Variants in PRKCH observed in about 807,000 individuals in gnomAD.
The protein encoded by PRKCH is protein kinase C eta, also known as protein kinase C eta type.
PRKCH carries 28 observed loss-of-function variants against 82.5 expected under a neutral mutation model. The ratio of observed to expected loss-of-function variants is 0.34; its 90% CI spans 0.25 to 0.47. The LOEUF (loss-of-function observed/expected upper bound fraction) is 0.47, where lower values mean the gene tolerates loss of function less well. Ranked by LOEUF, PRKCH falls within the 20% of genes least tolerant of loss-of-function variation. The pLI, the probability that PRKCH is intolerant of heterozygous loss-of-function variation, is 1.00. For synonymous variants in PRKCH, 322 were observed against 327.4 expected (o/e 0.98, Z 0.18); for missense variants, 705 against 881.8 (o/e 0.80, Z 2.54).
intron 1 of PRKCH, among the ~76,000 whole-genome samples, chr14:61,335,709 G>T (rs1158360456): frequency 6.6e-6 from 1 of 152,152 alleles, no homozygotes; most frequent in Admixed American, 6.5e-5. Context: ...AATAGTTTTA[G>T]ATAATGCCTA....
intron 1 of PRKCH, among the ~76,000 whole-genome samples, chr14:61,246,529 C>T (rs2050136666): frequency 6.6e-6 from 1 of 151,970 alleles, no homozygotes; most frequent in Non-Finnish European, 1.5e-5. Flanking sequence ...TCTGGCCTTT[C>T]TCCCTTCAAA....
intron 2 of PRKCH, among the ~76,000 whole-genome samples, chr14:61,398,794 C>A (rs1379167251): frequency 6.6e-6 from 1 of 152,140 alleles, no homozygotes. Flanking sequence ...GACTTGGTTT[C>A]TTCTACCAAA....
chr14:61,201,208 T>G (rs946883705), intron 1 of PRKCH, among the ~76,000 whole-genome samples: 1 of 152,204 alleles, frequency 6.6e-6, no homozygotes, highest in African/African-American at 2.4e-5. Context: ...TATTGACATT[T>G]TACTATGTGT....
intron 9 of PRKCH, among the ~76,000 whole-genome samples, chr14:61,479,174 T>C (rs991272059): frequency 3.3e-5 from 5 of 152,144 alleles, no homozygotes; most frequent in Admixed American, 2.6e-4. Context: ...CACCTGTCCA[T>C]CCACCCACCC....
At chr14:61,201,213 A>G (rs990046158) in intron 1 of PRKCH, among the ~76,000 whole-genome samples, 3 of 152,194 alleles carry the variant, frequency 2.0e-5, no homozygotes, top group Non-Finnish European at 2.9e-5. Context: ...ACATTTTACT[A>G]TGTGTCAGGT....
chr14:61,281,849 A>G (rs938269743), intron 1 of PRKCH: 14 of 139,486 alleles, frequency 1.0e-4, no homozygotes, highest in African/African-American at 3.0e-4. Flanking sequence ...TTCGAATTCA[A>G]CGCCTGCGTT....
chr14:61,317,938 C>T (rs986330591), upstream of PRKCH, among the ~76,000 whole-genome samples: 2 of 152,142 alleles, frequency 1.3e-5, no homozygotes, highest in East Asian at 3.9e-4. Context: ...AGTGTCACAA[C>T]CACATAGCCA....
At chr14:61,405,115 T>C (rs1276059214) in intron 2 of PRKCH, among the ~76,000 whole-genome samples, 1 of 152,222 alleles carries the variant, frequency 6.6e-6, no homozygotes, top group African/African-American at 2.4e-5. Flanking sequence ...CCATTCCAAA[T>C]TCATGATAAC....
intron 1 of PRKCH, among the ~76,000 whole-genome samples, chr14:61,367,073 A>T (rs1286957765): frequency 6.6e-6 from 1 of 152,018 alleles, no homozygotes; most frequent in Non-Finnish European, 1.5e-5. Context: ...CAATGACCCA[A>T]GGGTTATATG....
At chr14:61,366,925 C>T (rs948582655) in intron 1 of PRKCH, among the ~76,000 whole-genome samples, 7 of 152,034 alleles carry the variant, frequency 4.6e-5, no homozygotes, top group African/African-American at 1.7e-4. Flanking sequence ...GTGGCTCCTT[C>T]TGCTGGCTTC....
chr14:61,366,909 A>G (rs1179203728), intron 1 of PRKCH, among the ~76,000 whole-genome samples: 10 of 152,018 alleles, frequency 6.6e-5, no homozygotes, highest in East Asian at 3.9e-4. Flanking sequence ...CTCTCTGTCT[A>G]GGGATGTGGC....
At chr14:61,458,725 A>G (rs970412789) in intron 9 of PRKCH, among the ~76,000 whole-genome samples, 7 of 152,142 alleles carry the variant, frequency 4.6e-5, no homozygotes, top group African/African-American at 1.7e-4. Flanking sequence ...GGAAGGGTGA[A>G]GGAGAAGCAA....
In PRKCH at chr14:61,445,690, A is replaced by G; in HGVS notation, c.579-2A>G. 6.2e-7 allele frequency: 1 copy of G among 1,609,202 alleles called. No homozygotes were observed. On this transcript the variant is annotated splice_acceptor_variant, in intron 3 of 13. Transcript: ENST00000332981. LOFTEE classifies it high-confidence loss of function. ...TGATGGTAGTTTTCTTCTCTTCAAC[A>G]GGGGAGTGTTTGGGAAACAGGGTTA...
chr14:61,249,835 G>C (rs2044925756), intron 1 of PRKCH, among the ~76,000 whole-genome samples: 1 of 151,348 alleles, frequency 6.6e-6, no homozygotes, highest in Non-Finnish European at 1.5e-5. Flanking sequence ...TGGTCAGGCT[G>C]GTCTCAAACT....
At chr14:61,251,846 T>A (rs1052903110) in intron 1 of PRKCH, among the ~76,000 whole-genome samples, 12 of 152,102 alleles carry the variant, frequency 7.9e-5, no homozygotes, top group African/African-American at 2.7e-4. Context: ...TTTTTTTTTT[T>A]TTATTTGTTT....
At chr14:61,365,486 G>A (rs1176327508) in intron 1 of PRKCH, among the ~76,000 whole-genome samples, 1 of 152,102 alleles carries the variant, frequency 6.6e-6, no homozygotes, top group East Asian at 1.9e-4. Context: ...TAGACTACAA[G>A]TGTAGAGGGA....
chr14:61,467,845 A>G (rs1391254973), intron 9 of PRKCH, among the ~76,000 whole-genome samples: 2 of 152,232 alleles, frequency 1.3e-5, no homozygotes, highest in East Asian at 1.9e-4. Context: ...GTAAATATCC[A>G]TTGAACAAAA....
chr14:61,443,772 T>C (rs1884086675), intron 3 of PRKCH, among the ~76,000 whole-genome samples: 1 of 152,214 alleles, frequency 6.6e-6, no homozygotes, highest in South Asian at 2.1e-4. Flanking sequence ...TAGTAGGAAC[T>C]AAGATAATTC....
chr14:61,210,946 G>A (rs369854307), intron 1 of PRKCH, among the ~76,000 whole-genome samples: 52 of 152,228 alleles, frequency 3.4e-4, no homozygotes, highest in African/African-American at 1.1e-3. Context: ...GGAATCTAGC[G>A]TTAACCCAAA....
Sources: gnomAD v4.1 joint callset for allele counts (sites outside exome capture counted in the v4.1 genomes callset) on GRCh38, gnomAD v4.1.1 for gene constraint, MANE v1.5 for transcripts, NCBI Gene and HGNC (gene_info 2026-07-23, HGNC 2026-07-21) for gene names.